Variants in BRAF observed in about 807,000 individuals in gnomAD.
BRAF encodes the protein serine/threonine-protein kinase B-raf.
In BRAF, 16 loss-of-function variants were observed where a neutral mutation model predicts 104.6. That is an observed-to-expected ratio of 0.15 (90% CI 0.10 to 0.23). The LOEUF (loss-of-function observed/expected upper bound fraction) is 0.23. Among genes scored for constraint, BRAF ranks in the 10% least tolerant of loss-of-function variants. BRAF has a pLI of 1.00. For synonymous variants in BRAF, 310 were observed against 341.6 expected, an observed-to-expected ratio of 0.91 and a Z score of 1.02; for missense variants, 541 against 937.3, an observed-to-expected ratio of 0.58 and a Z score of 5.52.
chr7:140,743,215 A>T (rs545079045), intron 17 of BRAF, among the ~76,000 whole-genome samples: 1 of 151,372 alleles, frequency 6.6e-6, no homozygotes, highest in East Asian at 1.9e-4. Context: ...CAGCCATCCC[A>T]TTACTGGGTA....
At chr7:140,715,867 T>G (rs893722062), downstream of BRAF, among the ~76,000 whole-genome samples, 2 of 152,256 alleles carry the variant, frequency 1.3e-5, no homozygotes, top group African/African-American at 4.8e-5. Context: ...TTCACATTAT[T>G]ATTTCCACTT....
At chr7:140,812,160 C>CTGTGTGTGTGTGTGTGTGTGTGTGTGTG in intron 3 of BRAF, among the ~76,000 whole-genome samples, 1 of 140,628 alleles carries the variant, frequency 7.1e-6, no homozygotes, top group South Asian at 2.4e-4. Context: ...GCATGCACAC[C>CTGTGTGTGTGTGTGTGTGTGTGTGTGTG]TGTGTGTGTG....
intron 11 of BRAF, 93 bp downstream of exon 10, chr7:140,782,928 A>G (rs1801017729): frequency 1.4e-6 from 2 of 1,430,070 alleles, no homozygotes; most frequent in Non-Finnish European, 1.9e-6. Context: ...TGTGTCACAT[A>G]TGGACATAAT....
intron 15 of BRAF, 73 bp from the exon 15 acceptor site, chr7:140,753,466 G>A: frequency 2.1e-6 from 2 of 956,616 alleles, no homozygotes; most frequent in Non-Finnish European, 3.4e-6. Context: ...AAGAGTTTAG[G>A]TAAGAGATCT....
At chr7:140,716,080 G>T (rs1425539963), downstream of BRAF, among the ~76,000 whole-genome samples, 4 of 152,132 alleles carry the variant, frequency 2.6e-5, no homozygotes, top group Admixed American at 2.6e-4. Context: ...CAAACCAAAA[G>T]TTCACAAAAC....
intron 3 of BRAF, among the ~76,000 whole-genome samples, chr7:140,827,483 A>G (rs1013852085): frequency 6.6e-6 from 1 of 152,210 alleles, no homozygotes; most frequent in Non-Finnish European, 1.5e-5. Flanking sequence ...AAAAAATCAC[A>G]GGGGAAACTT....
At chr7:140,813,057 A>C (rs1014637212) in intron 3 of BRAF, among the ~76,000 whole-genome samples, 10 of 152,140 alleles carry the variant, frequency 6.6e-5, no homozygotes, top group Admixed American at 2.0e-4. Context: ...CACCTACATA[A>C]AGCTAAAAAA....
At position 140,721,316 on chromosome 7, in the gene BRAF, G is replaced by A. The variant is rs1316648936; in HGVS notation, c.*5178C>T. 1 of 1,175,586 alleles carries A rather than the reference G, an allele frequency of 8.5e-7. No individual in the cohort carries two copies. Among genetic ancestry groups the A allele is most frequent in the Admixed American group, 4.5e-5 (1 of 22,020 alleles). 72.8% of individuals were successfully genotyped at this position (1,175,586 alleles called of 1,614,324 possible). ...ATGCATTTTTTTTTTTTAAAGCACT[G>A]TTACCTTAATTTAAGATTTTAGGAG... On this transcript the variant is annotated 3_prime_UTR_variant, in exon 20 of 20. Transcript: ENST00000644969.
chr7:140,807,397 G>A (rs1332345682), intron 5 of BRAF, among the ~76,000 whole-genome samples: 4 of 151,772 alleles, frequency 2.6e-5, no homozygotes, highest in African/African-American at 9.7e-5. Flanking sequence ...CTATTCTTAC[G>A]AATTATTACA....
intron 17 of BRAF, among the ~76,000 whole-genome samples, chr7:140,743,394 T>G (rs925123977): frequency 7.9e-5 from 12 of 152,066 alleles, no homozygotes; most frequent in African/African-American, 2.9e-4. Flanking sequence ...TATGCAGCCA[T>G]AAAAAATGAT....
chr7:140,779,051 C>T (rs891472813), intron 12 of BRAF, among the ~76,000 whole-genome samples: 1 of 152,150 alleles, frequency 6.6e-6, no homozygotes, highest in African/African-American at 2.4e-5. Context: ...GAATGAATGA[C>T]CTCCAACTTC....
chr7:140,915,757 A>C (rs1407731083), intron 1 of BRAF, among the ~76,000 whole-genome samples: 2 of 152,016 alleles, frequency 1.3e-5, no homozygotes, highest in East Asian at 3.9e-4. Flanking sequence ...TCTTTTAAAG[A>C]TATCCACACT....
chr7:140,886,959 G>A (rs1813635532), intron 1 of BRAF, among the ~76,000 whole-genome samples: 1 of 152,090 alleles, frequency 6.6e-6, no homozygotes, highest in South Asian at 2.1e-4. Context: ...AGCCAGAGAG[G>A]TACTGGAGGC....
At chr7:140,766,739 C>T (rs1490585970) in intron 14 of BRAF, among the ~76,000 whole-genome samples, 4 of 152,048 alleles carry the variant, frequency 2.6e-5, no homozygotes, top group Non-Finnish European at 5.9e-5. Context: ...TTTGTAGAGA[C>T]GGGTTTTGCC....
In BRAF at chr7:140,840,214, T is replaced by C. The variant is rs564376457; in HGVS notation, c.241-5342A>G. 6.5e-4 allele frequency among the ~76,000 whole-genome samples: 99 copies of C among 152,218 alleles called. 4 individuals carry two copies. The highest frequency in any genetic ancestry group is 4.3e-4 in the Non-Finnish European group (29 of 68,044). On this transcript the variant is annotated intron_variant, in intron 2 of 19. Transcript: ENST00000644969. The stretch of plus-strand genomic sequence containing the variant: ...CAAGCAACTAAACCTGTTTTGGCTA[T>C]ATAACTAATACTATAAAACTCTTAG...
At chr7:140,779,582 C>G (rs1800654380) in intron 12 of BRAF, among the ~76,000 whole-genome samples, 1 of 152,196 alleles carries the variant, frequency 6.6e-6, no homozygotes. Flanking sequence ...AGCATCATGT[C>G]AGCACTCAGA....
chr7:140,859,217 C>A (rs1162654345), intron 1 of BRAF, among the ~76,000 whole-genome samples: 1 of 152,094 alleles, frequency 6.6e-6, no homozygotes, highest in Non-Finnish European at 1.5e-5. Context: ...AGGTTTCCAC[C>A]CCTGTTTTGG....
At chr7:140,767,179 T>C (rs1250375991) in intron 14 of BRAF, among the ~76,000 whole-genome samples, 1 of 151,934 alleles carries the variant, frequency 6.6e-6, no homozygotes, top group South Asian at 2.1e-4. Context: ...AATTTTTGTA[T>C]TTTTTGGTAG....
At chr7:140,823,337 C>T (rs1250918598) in intron 3 of BRAF, among the ~76,000 whole-genome samples, 3 of 152,068 alleles carry the variant, frequency 2.0e-5, no homozygotes, top group African/African-American at 7.2e-5. Context: ...CTTCCCCCAG[C>T]CCCTGGCAAG....
Sources: allele counts gnomAD v4.1 joint callset (sites outside exome capture counted in the v4.1 genomes callset), GRCh38; gene constraint gnomAD v4.1.1; transcripts MANE v1.5; gene names NCBI Gene and HGNC (gene_info 2026-07-23, HGNC 2026-07-21).